RPL31: variants seen among roughly 807,000 people sequenced by gnomAD.
RPL31 encodes ribosomal protein L31.
For synonymous variants in RPL31, 51 were observed against 55.0 expected, an observed-to-expected ratio of 0.93 and a Z score of 0.32; for missense variants, 95 against 164.0, an observed-to-expected ratio of 0.58 and a Z score of 2.30.
At chr2:101,010,946 A>G (rs1370452711), downstream of RPL31, 2 of 1,612,330 alleles carry the variant, frequency 1.2e-6, no homozygotes, top group Non-Finnish European at 8.5e-7. Flanking sequence ...ATTTTGGGCA[A>G]TTCTTTCTCA....
At chr2:101,014,608 G>C (rs941851358) in intron 4 of RPL31, among the ~76,000 whole-genome samples, 1 of 152,142 alleles carries the variant, frequency 6.6e-6, no homozygotes, top group Non-Finnish European at 1.5e-5. Context: ...ATTTCACCTG[G>C]TGAGCCTTCT....
chr2:101,010,309 A>G (rs536425061), downstream of RPL31, among the ~76,000 whole-genome samples: 7 of 152,296 alleles, frequency 4.6e-5, no homozygotes, highest in African/African-American at 1.7e-4. Flanking sequence ...CAAGCACAGT[A>G]TTTTTGAAGG....
At chr2:101,016,703 A>G (rs1679665736) in intron 4 of RPL31, among the ~76,000 whole-genome samples, 7 of 152,386 alleles carry the variant, frequency 4.6e-5, no homozygotes, top group Admixed American at 4.6e-4. Flanking sequence ...GACTGGATTA[A>G]GAAAATGTGA....
At chr2:101,018,713 G>T (rs1679835556) in intron 4 of RPL31, among the ~76,000 whole-genome samples, 1 of 152,184 alleles carries the variant, frequency 6.6e-6, no homozygotes. Context: ...GGTTTGCTCA[G>T]TATACAAACT....
chr2:101,002,643 G>A, intron 1 of RPL31, 59 bp from the exon 2 acceptor site: 1 of 1,359,734 alleles, frequency 7.4e-7, no homozygotes, highest in Non-Finnish European at 1.1e-6. Flanking sequence ...GGCTGGGAGG[G>A]AGGACTTGGC....
chr2:101,016,308 A>C (rs1226781107), intron 4 of RPL31, among the ~76,000 whole-genome samples: 2 of 152,076 alleles, frequency 1.3e-5, no homozygotes, highest in Admixed American at 1.3e-4. Flanking sequence ...ATGCAGCCAA[A>C]AGACACATGA....
intron 4 of RPL31, among the ~76,000 whole-genome samples, chr2:101,014,563 C>G (rs1255550670): frequency 6.6e-6 from 1 of 152,206 alleles, no homozygotes; most frequent in African/African-American, 2.4e-5. Context: ...GGCTCTTAAT[C>G]CTGGCTGGAT....
chr2:101,008,262 G>A (rs746278959), downstream of RPL31: 1 of 1,530,206 alleles, frequency 6.5e-7, no homozygotes, highest in Admixed American at 2.1e-5. Context: ...TACAGAACTG[G>A]ATAAATTCTC....
chr2:101,010,150 A>C (rs554841216), downstream of RPL31, among the ~76,000 whole-genome samples: 5 of 152,136 alleles, frequency 3.3e-5, no homozygotes, highest in Non-Finnish European at 7.3e-5. Context: ...TACATTTCCT[A>C]AACATTGGGA....
At chr2:101,018,974 T>C in intron 4 of RPL31, 1 of 1,609,680 alleles carries the variant, frequency 6.2e-7, no homozygotes, top group Non-Finnish European at 8.5e-7. Context: ...TGGTACCAAA[T>C]CATCTGTAAT....
chr2:101,016,579 C>T (rs552396388), intron 4 of RPL31, among the ~76,000 whole-genome samples: 3,745 of 151,716 alleles, frequency 0.025, 59 homozygotes, highest in Non-Finnish European at 0.04. Flanking sequence ...ACTGGGTATA[C>T]ACCCAAAGGA....
chr2:101,012,956 C>T (rs551336774), intron 4 of RPL31, among the ~76,000 whole-genome samples: 5 of 152,160 alleles, frequency 3.3e-5, no homozygotes, highest in Admixed American at 2.0e-4. Flanking sequence ...AATTGCAAAC[C>T]GTGAATGGTA....
chr2:101,017,751 G>A (rs1256549149), intron 4 of RPL31: 4 of 1,263,778 alleles, frequency 3.2e-6, no homozygotes, highest in Non-Finnish European at 4.4e-6. Flanking sequence ...AGGGTCAAGT[G>A]ACAAAAAGGA....
chr2:101,019,622 A>G (rs1224992268), exon 5 of RPL31: 2 of 152,464 alleles, frequency 1.3e-5, no homozygotes, highest in South Asian at 2.1e-4. Context: ...AGAGTTACAC[A>G]GTATGAATAT....
At chr2:101,017,291 G>A (rs1459464220) in intron 4 of RPL31, among the ~76,000 whole-genome samples, 1 of 151,900 alleles carries the variant, frequency 6.6e-6, no homozygotes, top group Non-Finnish European at 1.5e-5. Flanking sequence ...ATAAGTAGAA[G>A]GAATGCATGC....
intron 4 of RPL31, among the ~76,000 whole-genome samples, chr2:101,015,279 A>G (rs1679540558): frequency 1.3e-5 from 2 of 152,216 alleles, no homozygotes; most frequent in African/African-American, 4.8e-5. Context: ...ACCACTTACT[A>G]TGAATGGAGG....
intron 4 of RPL31, among the ~76,000 whole-genome samples, chr2:101,012,771 T>C (rs952549276): frequency 1.6e-4 from 25 of 152,248 alleles, no homozygotes; most frequent in Non-Finnish European, 2.9e-4. Flanking sequence ...TTGGAACTTA[T>C]TCGTAAACCA....
chr2:101,011,219 C>A, downstream of RPL31: 1 of 686,246 alleles, frequency 1.5e-6, no homozygotes, highest in Non-Finnish European at 2.4e-6. Flanking sequence ...TAAGAGGACC[C>A]GTGAAACAGC....
rs777012706 is a variant in RPL31 at position 101,002,334 on chromosome 2, G to A, written c.-1+19G>A. ...CTGCAGAGTGAGTATGGGTGGCGGAGTCTGGGCTCCTGGAATCCAGCCCCA... is the reference window on the plus strand; with the variant it reads ...CTGCAGAGTGAGTATGGGTGGCGGAATCTGGGCTCCTGGAATCCAGCCCCA... On this transcript the variant is annotated intron_variant, in intron 1 of 4. Transcript: ENST00000264258. The A allele has an allele frequency of 4.7e-6, 1 of 214,582 alleles. No individual in the cohort carries two copies. The highest frequency in any genetic ancestry group is 5.6e-5 in the Admixed American group (1 of 17,832). 13.3% of individuals were successfully genotyped at this position (214,582 alleles called of 1,614,324 possible).
Sources: allele counts gnomAD v4.1 joint callset (sites outside exome capture counted in the v4.1 genomes callset), GRCh38; gene constraint gnomAD v4.1.1; transcripts MANE v1.5; gene names NCBI Gene and HGNC (gene_info 2026-07-23, HGNC 2026-07-21).